ADGB: variants seen among roughly 807,000 people sequenced by gnomAD.
The protein encoded by ADGB is calpain-7-like protein.
In ADGB, 172 loss-of-function variants were observed where a neutral mutation model predicts 210.5. That is an observed-to-expected ratio of 0.82 (90% CI 0.72 to 0.93). The LOEUF (loss-of-function observed/expected upper bound fraction) is 0.93, where lower values mean the gene tolerates loss of function less well. ADGB is among the 40% of genes least tolerant of loss of function. The pLI, the probability that ADGB is intolerant of heterozygous loss-of-function variation, is 0.00. For synonymous variants in ADGB, 658 were observed against 662.7 expected (o/e 0.99, Z 0.11); for missense variants, 2,025 against 1,964.8 (o/e 1.03, Z -0.58).
intron 20 of ADGB, among the ~76,000 whole-genome samples, chr6:146,732,553 C>G (rs1777007424): frequency 6.8e-6 from 1 of 147,904 alleles, no homozygotes; most frequent in Non-Finnish European, 1.5e-5. Context: ...GAATGAATCA[C>G]TTATGCAAAA....
chr6:146,622,335 C>T (rs1252755192), intron 1 of ADGB, among the ~76,000 whole-genome samples: 1 of 152,082 alleles, frequency 6.6e-6, no homozygotes, highest in African/African-American at 2.4e-5. Flanking sequence ...ATCAGCTGGG[C>T]TGGGTTCTTA....
chr6:146,741,354 G>A, intron 25 of ADGB, 83 bp downstream of exon 25: 1 of 1,343,314 alleles, frequency 7.4e-7, no homozygotes, highest in Non-Finnish European at 1.0e-6. Context: ...AGGGAGGGTA[G>A]AGTTGTTTTT....
intron 27 of ADGB, among the ~76,000 whole-genome samples, chr6:146,762,809 T>C (rs1158297472): frequency 6.6e-6 from 1 of 152,156 alleles, no homozygotes; most frequent in East Asian, 1.9e-4. Flanking sequence ...ATTCACTGAA[T>C]TCCCTTCATT....
chr6:146,724,450 A>G (rs762369487), intron 18 of ADGB, 123 bp downstream of exon 18: 1 of 980,662 alleles, frequency 1.0e-6, no homozygotes, highest in Admixed American at 3.5e-5. Flanking sequence ...TTCTCAAGGC[A>G]TAGGTCCATG....
intron 7 of ADGB, among the ~76,000 whole-genome samples, chr6:146,671,392 G>A (rs929550692): frequency 3.3e-5 from 5 of 152,234 alleles, no homozygotes; most frequent in African/African-American, 4.8e-5. Flanking sequence ...AGTATCCAAC[G>A]GACACTGTGT....
chr6:146,656,075 A>G (rs1448400121), intron 4 of ADGB, among the ~76,000 whole-genome samples: 1 of 152,202 alleles, frequency 6.6e-6, no homozygotes, highest in African/African-American at 2.4e-5. Context: ...TCTACATTCT[A>G]CAATGAAGAA....
At chr6:146,614,225 CT>C (rs1318165294) in intron 1 of ADGB, among the ~76,000 whole-genome samples, 2,199 of 121,188 alleles carry the variant, frequency 0.018, 50 homozygotes, top group African/African-American at 0.068. Flanking sequence ...TCCTCCCTTC[CT>C]TCCTTCCTTC....
chr6:146,805,635 G>A (rs1181913195), intron 35 of ADGB, among the ~76,000 whole-genome samples: 1 of 152,070 alleles, frequency 6.6e-6, no homozygotes, highest in Non-Finnish European at 1.5e-5. Context: ...TCCACTAACA[G>A]CAAGGCATGT....
intron 34 of ADGB, among the ~76,000 whole-genome samples, chr6:146,801,550 T>C (rs1778133394): frequency 6.6e-6 from 1 of 152,216 alleles, no homozygotes; most frequent in Admixed American, 6.5e-5. Flanking sequence ...CTACAAGATA[T>C]TCTCATAGTT....
chr6:146,642,355 A>G (rs1775529826), intron 2 of ADGB, among the ~76,000 whole-genome samples: 1 of 151,954 alleles, frequency 6.6e-6, no homozygotes, highest in Admixed American at 6.6e-5. Context: ...AACTAGAACC[A>G]CCATTTGACC....
At chr6:146,772,433 A>ATATC (rs894306572) in intron 29 of ADGB, among the ~76,000 whole-genome samples, 1 of 147,452 alleles carries the variant, frequency 6.8e-6, no homozygotes, top group Non-Finnish European at 1.5e-5. Context: ...TTATATATAT[A>ATATC]TATCACACAG....
intron 2 of ADGB, chr6:146,638,905 T>G (rs1775467461): frequency 1.4e-5 from 1 of 73,282 alleles, no homozygotes; most frequent in South Asian, 3.8e-4. Context: ...CATCACCTTC[T>G]GCAAAAAAAA....
chr6:146,781,375 G>A (rs1777797709), intron 29 of ADGB, among the ~76,000 whole-genome samples: 1 of 149,218 alleles, frequency 6.7e-6, no homozygotes, highest in Admixed American at 6.7e-5. Context: ...AGAAATTGGA[G>A]AATTTCACAA....
intron 8 of ADGB, among the ~76,000 whole-genome samples, chr6:146,674,685 A>G (rs1399681055): frequency 6.6e-6 from 1 of 152,150 alleles, no homozygotes; most frequent in Non-Finnish European, 1.5e-5. Flanking sequence ...TAGATGTGGC[A>G]AGGTTTGCAG....
chr6:146,785,623 G>C lies in ADGB; in HGVS notation c.4226G>C (p.Arg1409Pro). The C allele has an allele frequency of 6.5e-7, 1 of 1,549,978 alleles. No homozygotes were observed. Among genetic ancestry groups the C allele is most frequent in the Non-Finnish European group, 8.7e-7 (1 of 1,145,746 alleles). ...TTTGTTTTTTAGGCTTCTCAGGCTC[G>C]TTTGCATTACCTTAGCGGGTTCATT... Reference protein sequence around the residue: ...PGRAIKASQARLHYLSGFIKK... With the variant: ...PGRAIKASQAPLHYLSGFIKK... The change falls in exon 32 of 36, where the codon CGT becomes CCT. Residue 1409 changes from arginine to proline, a missense_variant. Coordinates refer to ENST00000397944, the MANE Select transcript of ADGB (RefSeq NM_024694.4).
chr6:146,676,226 C>CT (rs1776081089), intron 8 of ADGB, 87 bp from the exon 9 acceptor site: 1 of 1,256,608 alleles, frequency 8.0e-7, no homozygotes, highest in Non-Finnish European at 1.1e-6. Flanking sequence ...TTATTTTGGC[C>CT]TTTTTTCTTT....
At chr6:146,666,134 A>G (rs950669985) in intron 6 of ADGB, among the ~76,000 whole-genome samples, 1 of 152,066 alleles carries the variant, frequency 6.6e-6, no homozygotes, top group African/African-American at 2.4e-5. Context: ...TGCCATTAAC[A>G]CTACCACTGA....
chr6:146,606,678 T>C (rs1201339734), intron 1 of ADGB, among the ~76,000 whole-genome samples: 2 of 152,228 alleles, frequency 1.3e-5, no homozygotes, highest in Non-Finnish European at 2.9e-5. Flanking sequence ...CATTGCTTGT[T>C]ATTGTTGACT....
chr6:146,763,731 T>C (rs1445457389), intron 27 of ADGB, among the ~76,000 whole-genome samples, 170 bp from the exon 28 acceptor site: 1 of 152,206 alleles, frequency 6.6e-6, no homozygotes, highest in African/African-American at 2.4e-5. Context: ...CATACTATTA[T>C]AATAGATTTC....
Sources: allele counts gnomAD v4.1 joint callset (sites outside exome capture counted in the v4.1 genomes callset), GRCh38; gene constraint gnomAD v4.1.1; transcripts MANE v1.5; gene names NCBI Gene and HGNC (gene_info 2026-07-23, HGNC 2026-07-21).